Variants in ZNF609 observed in about 807,000 individuals in gnomAD.
The protein encoded by ZNF609 is zinc finger protein 609.
In ZNF609, 11 loss-of-function variants were observed where a neutral mutation model predicts 109.5. The observed-to-expected ratio is 0.10, with a 90% confidence interval of 0.06 to 0.17. The LOEUF is 0.17. Ranked by LOEUF, ZNF609 falls within the 10% of genes least tolerant of loss-of-function variation. The pLI, the probability that ZNF609 is intolerant of heterozygous loss-of-function variation, is 1.00. For synonymous variants in ZNF609, 646 were observed against 662.0 expected, an observed-to-expected ratio of 0.98 and a Z score of 0.37; for missense variants, 1,559 against 1,772.4, an observed-to-expected ratio of 0.88 and a Z score of 2.16.
Position 64,684,791 on chromosome 15 carries a change from C to A in ZNF609, c.*3105C>A, listed in dbSNP as rs2083231560. 6.5e-6 allele frequency: 1 copy of A among 152,746 alleles called. No homozygotes were observed. Among genetic ancestry groups the A allele is most frequent in the Non-Finnish European group, 1.5e-5 (1 of 68,084 alleles). The allele number at this position is 152,746 out of a possible 1,614,324, so 9.5% of individuals were successfully genotyped here. A position where few individuals can be genotyped will look rare whatever the true frequency, so the allele number is the denominator to read the frequency against. ...CTTATCCCGTATACCCTCTCACCAT[C>A]CCCTTGTCTACTCTGATGCCCCCAA... On this transcript the variant is annotated 3_prime_UTR_variant, in exon 10 of 10. Coordinates refer to ENST00000326648, the MANE Select transcript of ZNF609 (RefSeq NM_015042.2).
At chr15:64,530,853 A>C (rs1894050633) in intron 2 of ZNF609, among the ~76,000 whole-genome samples, 1 of 152,208 alleles carries the variant, frequency 6.6e-6, no homozygotes, top group African/African-American at 2.4e-5. Context: ...AGCTATTATC[A>C]ACAGCCATCT....
chr15:64,536,174 C>T (rs985497381), intron 2 of ZNF609, among the ~76,000 whole-genome samples: 1 of 152,140 alleles, frequency 6.6e-6, no homozygotes, highest in African/African-American at 2.4e-5. Context: ...GCACATGCCA[C>T]TACACCTGGC....
At chr15:64,627,663 C>CTTTTTTTTTTTTTTTT (rs35293725) in intron 3 of ZNF609, among the ~76,000 whole-genome samples, 28 of 86,006 alleles carry the variant, frequency 3.3e-4, no homozygotes, top group Admixed American at 5.3e-4. Flanking sequence ...TTTTTTCTTT[C>CTTTTTTTTTTTTTTTT]TTTTTTTTTT....
chr15:64,464,048 C>T (rs1026483084), intron 1 of ZNF609, among the ~76,000 whole-genome samples: 1 of 152,068 alleles, frequency 6.6e-6, no homozygotes, highest in African/African-American at 2.4e-5. Context: ...AACTACCCGT[C>T]CCAGCTTCTT....
At position 64,641,219 on chromosome 15, in the gene ZNF609, C is replaced by CTTTTTTTTTTTTTTTTTT. The variant is rs34007985; in HGVS notation, c.973+18182_973+18183insTTTTTTTTTTTTTTTTTT. Among the ~76,000 whole-genome samples, 70 of 69,732 alleles carry CTTTTTTTTTTTTTTTTTT rather than the reference C, an allele frequency of 1.0e-3. 9 individuals carry two copies. The highest frequency in any genetic ancestry group is 2.9e-3 in the African/African-American group (54 of 18,868). 45.7% of individuals were successfully genotyped at this position (69,732 alleles called of 152,430 possible). A position where few individuals can be genotyped will look rare whatever the true frequency, so the allele number is the denominator to read the frequency against. ...TGGGTGTTAGTTACACTTGTGCTTT[C>CTTTTTTTTTTTTTTTTTT]TTTTTTTTTTTTTTTGAGATGGAGT... On this transcript the variant is annotated intron_variant, in intron 3 of 9. Coordinates refer to ENST00000326648, the MANE Select transcript of ZNF609 (RefSeq NM_015042.2).
intron 2 of ZNF609, among the ~76,000 whole-genome samples, chr15:64,551,901 C>T (rs752762557): frequency 2.3e-4 from 33 of 145,094 alleles, no homozygotes; most frequent in Middle Eastern, 7.0e-3. Flanking sequence ...GCAGGAGAAT[C>T]GCTTAAACCA....
intron 1 of ZNF609, among the ~76,000 whole-genome samples, chr15:64,467,673 T>A (rs914406169): frequency 2.0e-5 from 3 of 152,146 alleles, no homozygotes; most frequent in African/African-American, 4.8e-5. Context: ...GGTGAAATCC[T>A]GTCTCTACTA....
intron 2 of ZNF609, among the ~76,000 whole-genome samples, chr15:64,582,980 T>C (rs887351459): frequency 2.0e-5 from 3 of 151,426 alleles, no homozygotes; most frequent in Non-Finnish European, 2.9e-5. Context: ...CTCGATCTCC[T>C]GACCTTGTGA....
At chr15:64,641,655 TG>T (rs1896260739) in intron 3 of ZNF609, among the ~76,000 whole-genome samples, 1 of 152,026 alleles carries the variant, frequency 6.6e-6, no homozygotes. Context: ...TTCCACATTT[TG>T]CTGTACATTA....
At chr15:64,637,641 T>C (rs918015579) in intron 3 of ZNF609, among the ~76,000 whole-genome samples, 2 of 152,162 alleles carry the variant, frequency 1.3e-5, no homozygotes, top group African/African-American at 4.8e-5. Flanking sequence ...AGTAATGAAA[T>C]TGAGCATCTT....
At chr15:64,490,004 G>T (rs1303930653) in intron 1 of ZNF609, among the ~76,000 whole-genome samples, 1 of 152,184 alleles carries the variant, frequency 6.6e-6, no homozygotes, top group Non-Finnish European at 1.5e-5. Flanking sequence ...TGTCACCCAG[G>T]CGGGAGTGCA....
At chr15:64,475,560 TG>T (rs1034267526) in intron 1 of ZNF609, among the ~76,000 whole-genome samples, 2 of 152,026 alleles carry the variant, frequency 1.3e-5, no homozygotes, top group Non-Finnish European at 2.9e-5. Flanking sequence ...GGCTAATTTT[TG>T]TATTTTAGTA....
chr15:64,650,007 C>CGT (rs1367451705), intron 3 of ZNF609, among the ~76,000 whole-genome samples: 1 of 151,436 alleles, frequency 6.6e-6, no homozygotes, highest in Admixed American at 6.6e-5. Context: ...CCAGGTATAT[C>CGT]GTGGCATGTG....
intron 2 of ZNF609, among the ~76,000 whole-genome samples, chr15:64,518,879 T>C (rs375019670): frequency 6.6e-5 from 10 of 152,166 alleles, no homozygotes; most frequent in African/African-American, 1.4e-4. Flanking sequence ...CAGGGAATGA[T>C]AATGAGTTTA....
intron 2 of ZNF609, among the ~76,000 whole-genome samples, chr15:64,609,699 A>G (rs1279016267): frequency 2.7e-5 from 4 of 148,818 alleles, no homozygotes; most frequent in Non-Finnish European, 5.9e-5. Flanking sequence ...TTTTTATGGG[A>G]CTAGGTATAA....
chr15:64,631,461 C>T (rs908848523), intron 3 of ZNF609: 2 of 727,864 alleles, frequency 2.7e-6, no homozygotes, highest in East Asian at 2.6e-5. Flanking sequence ...GTACCCATTC[C>T]CCTGATGTCT....
intron 3 of ZNF609, among the ~76,000 whole-genome samples, chr15:64,629,424 A>C (rs1896028035): frequency 6.6e-6 from 1 of 152,222 alleles, no homozygotes; most frequent in Non-Finnish European, 1.5e-5. Flanking sequence ...ATTTGGAGGT[A>C]GGTAGGTAAG....
At chr15:64,627,330 A>G (rs1895980420) in intron 3 of ZNF609, among the ~76,000 whole-genome samples, 1 of 152,246 alleles carries the variant, frequency 6.6e-6, no homozygotes, top group Non-Finnish European at 1.5e-5. Context: ...ACAAAATTGC[A>G]TACTGGCTTG....
intron 3 of ZNF609, among the ~76,000 whole-genome samples, chr15:64,645,149 G>T (rs1225092715): frequency 2.6e-5 from 3 of 115,616 alleles, no homozygotes; most frequent in Non-Finnish European, 1.6e-5. Flanking sequence ...GGAGTACAGT[G>T]GTGCAGTCTT....
Sources: allele counts gnomAD v4.1 joint callset (sites outside exome capture counted in the v4.1 genomes callset), GRCh38; gene constraint gnomAD v4.1.1; transcripts MANE v1.5; gene names NCBI Gene and HGNC (gene_info 2026-07-23, HGNC 2026-07-21).